Variants in INIP observed in about 807,000 individuals in gnomAD.
INIP encodes the protein SOSS complex subunit C.
In INIP, 9 loss-of-function variants were observed where a neutral mutation model predicts 14.0. The ratio of observed to expected loss-of-function variants is 0.64; its 90% CI spans 0.39 to 1.12. The LOEUF (loss-of-function observed/expected upper bound fraction) is 1.12, where lower values mean the gene tolerates loss of function less well. INIP is among the 50% of genes most tolerant of loss of function. INIP has a pLI of 0.01. For missense variants in INIP, 78 were observed against 122.7 expected (o/e 0.64, Z 1.72); for synonymous variants, 37 against 41.5 (o/e 0.89, Z 0.41).
At chr9:112,715,774 A>C (rs980175797) in intron 2 of INIP, among the ~76,000 whole-genome samples, 2 of 129,402 alleles carry the variant, frequency 1.5e-5, no homozygotes, top group Admixed American at 7.8e-5. Context: ...ATTCCATCTC[A>C]AAAAAAAAAA....
At chr9:112,708,137 TAAAG>T (rs889629655) in intron 2 of INIP, among the ~76,000 whole-genome samples, 6 of 151,662 alleles carry the variant, frequency 4.0e-5, no homozygotes, top group East Asian at 1.9e-4. Context: ...TAGTCTGAAA[TAAAG>T]AAACCATTTG....
At chr9:112,699,489 C>T (rs1838216096) in intron 2 of INIP, among the ~76,000 whole-genome samples, 1 of 152,124 alleles carries the variant, frequency 6.6e-6, no homozygotes, top group South Asian at 2.1e-4. Flanking sequence ...ACCACATTCA[C>T]ACAACTTTCA....
In INIP at chr9:112,688,487, AT is replaced by A. The variant is rs1287159708; in HGVS notation, c.220-855del. Among the ~76,000 whole-genome samples, 14 of 148,622 alleles carry A rather than the reference AT, an allele frequency of 9.4e-5. 1 individual carries two copies. Among genetic ancestry groups the A allele is most frequent in the Non-Finnish European group, 1.9e-4 (13 of 66,740 alleles). ...AAACCACCAGTAACTTCCCTCTGTC[AT>A]TAAAAAAAAAAAAAAAAGACTGTTT... On this transcript the variant is annotated intron_variant, in intron 4 of 4. Transcript: ENST00000374242.
chr9:112,687,278 G>C lies in INIP; in HGVS notation c.*260C>G. 1 of 310,090 alleles carries C rather than the reference G, an allele frequency of 3.2e-6. No homozygotes were observed. The highest frequency in any genetic ancestry group is 6.6e-5 in the South Asian group (1 of 15,148). 19.2% of individuals were successfully genotyped at this position (310,090 alleles called of 1,614,324 possible). A position where few individuals can be genotyped will look rare whatever the true frequency, so the allele number is the denominator to read the frequency against. ...TGACTTCGTGACCATCCAGTTCACA[G>C]TCTGATTGAGAGTTAAACAGCATTA... On this transcript the variant is annotated 3_prime_UTR_variant, in exon 5 of 5. Transcript: ENST00000374242.
intron 4 of INIP, among the ~76,000 whole-genome samples, chr9:112,689,318 G>A (rs1837794933): frequency 6.6e-6 from 1 of 152,102 alleles, no homozygotes. Flanking sequence ...AATCAATCAT[G>A]ACCGAGTCAA....
intron 2 of INIP, chr9:112,701,886 C>G (rs75148474): frequency 8.8e-6 from 1 of 113,842 alleles, no homozygotes; most frequent in East Asian, 2.5e-4. Context: ...CTTGTCTGTA[C>G]AAAAAAAAAA....
At position 112,686,429 on chromosome 9, in the gene INIP, A is replaced by C. The variant is rs779626162; in HGVS notation, c.*1109T>G. 2.6e-5 allele frequency: 4 copies of C among 152,200 alleles called. No individual in the cohort carries two copies. Among genetic ancestry groups the C allele is most frequent in the Non-Finnish European group, 5.9e-5 (4 of 68,028 alleles). The allele number at this position is 152,200 out of a possible 1,614,324, so 9.4% of individuals were successfully genotyped here. ...CCCCAGATACTGCTAAAGATGGGTC[A>C]TGTTGAGAGACTTTCTTAACCTAAT... On this transcript the variant is annotated 3_prime_UTR_variant, in exon 5 of 5. Transcript: ENST00000374242.
intron 3 of INIP, 152 bp downstream of exon 3, chr9:112,693,979 G>A (rs1837983914): frequency 4.5e-6 from 2 of 441,460 alleles, no homozygotes; most frequent in Non-Finnish European, 8.0e-6. Context: ...GGAGGCTGAG[G>A]CAGGAGAATC....
intron 2 of INIP, 133 bp downstream of exon 2, chr9:112,716,328 C>T: frequency 2.7e-6 from 2 of 754,394 alleles, no homozygotes; most frequent in South Asian, 2.9e-5. Context: ...AGGCGTGAGC[C>T]ACCGCTCCCG....
intron 1 of INIP, among the ~76,000 whole-genome samples, chr9:112,717,355 T>C (rs1838857860): frequency 6.6e-6 from 1 of 152,162 alleles, no homozygotes; most frequent in Non-Finnish European, 1.5e-5. Context: ...CACCATTTTA[T>C]AGATGAGGAA....
intron 2 of INIP, among the ~76,000 whole-genome samples, chr9:112,708,644 A>G (rs1447201272): frequency 6.6e-6 from 1 of 152,148 alleles, no homozygotes; most frequent in South Asian, 2.1e-4. Context: ...TTATGGATCT[A>G]TAGGTCAGAG....
At chr9:112,692,856 C>T (rs1417474198) in intron 3 of INIP, among the ~76,000 whole-genome samples, 1 of 151,128 alleles carries the variant, frequency 6.6e-6, no homozygotes, top group Non-Finnish European at 1.5e-5. Flanking sequence ...CTGGGCAACA[C>T]AAGACCTCAC....
intron 3 of INIP, among the ~76,000 whole-genome samples, chr9:112,692,402 G>A (rs940913122): frequency 3.3e-5 from 5 of 152,082 alleles, no homozygotes; most frequent in African/African-American, 1.2e-4. Context: ...CTCCCACCCA[G>A]CCTCCCAGGT....
At chr9:112,717,795 C>T (rs537184198) in intron 1 of INIP, among the ~76,000 whole-genome samples, 192 bp downstream of exon 1, 1 of 152,258 alleles carries the variant, frequency 6.6e-6, no homozygotes, top group African/African-American at 2.4e-5. Context: ...CAGAAAGGTC[C>T]CTGCCTACGG....
At chr9:112,697,135 T>G (rs1053925404) in intron 2 of INIP, among the ~76,000 whole-genome samples, 1 of 152,136 alleles carries the variant, frequency 6.6e-6, no homozygotes, top group Non-Finnish European at 1.5e-5. Flanking sequence ...TAAAGAGTCA[T>G]CACATTGAAC....
intron 2 of INIP, among the ~76,000 whole-genome samples, chr9:112,695,155 C>A (rs1215876236): frequency 1.3e-5 from 2 of 151,534 alleles, no homozygotes; most frequent in African/African-American, 4.8e-5. Context: ...TCATTACAAT[C>A]CTTATCACCT....
intron 1 of INIP, among the ~76,000 whole-genome samples, chr9:112,717,130 T>C (rs1384156209): frequency 2.0e-5 from 3 of 152,188 alleles, no homozygotes; most frequent in Admixed American, 2.0e-4. Flanking sequence ...GTCATTAGGT[T>C]GTATTTACCA....
chr9:112,692,641 A>T (rs771475468), intron 3 of INIP, among the ~76,000 whole-genome samples: 2 of 151,946 alleles, frequency 1.3e-5, no homozygotes, highest in Non-Finnish European at 2.9e-5. Context: ...TATAATAAAG[A>T]TCATCAAGCT....
intron 2 of INIP, among the ~76,000 whole-genome samples, chr9:112,709,954 T>C (rs1218086228): frequency 3.3e-5 from 5 of 152,232 alleles, no homozygotes; most frequent in Non-Finnish European, 7.3e-5. Flanking sequence ...AAAAGAGATT[T>C]AGCCTTCAGA....
Sources: gnomAD v4.1 joint callset for allele counts (sites outside exome capture counted in the v4.1 genomes callset) on GRCh38, gnomAD v4.1.1 for gene constraint, MANE v1.5 for transcripts, NCBI Gene and HGNC (gene_info 2026-07-23, HGNC 2026-07-21) for gene names.